CFAP53: variants seen among roughly 807,000 people sequenced by gnomAD.
The protein encoded by CFAP53 is cilia- and flagella-associated protein 53.
CFAP53 carries 62 observed loss-of-function variants against 59.7 expected under a neutral mutation model. The ratio of observed to expected loss-of-function variants is 1.04; its 90% CI spans 0.85 to 1.28. The LOEUF (loss-of-function observed/expected upper bound fraction) is 1.28. Ranked by LOEUF, CFAP53 falls within the 50% of genes most tolerant of loss-of-function variation. The probability of loss-of-function intolerance (pLI) is 0.00; values close to 1 mark genes in which losing one functional copy is unlikely to be tolerated. For missense variants in CFAP53, 629 were observed against 615.6 expected (o/e 1.02, Z -0.23); for synonymous variants, 218 against 205.7 (o/e 1.06, Z -0.51).
chr18:50,239,014 C>A (rs1274422615), intron 6 of CFAP53, among the ~76,000 whole-genome samples: 2 of 150,126 alleles, frequency 1.3e-5, no homozygotes, highest in South Asian at 4.2e-4. Context: ...CAGTTCATTG[C>A]CATTCATATT....
chr18:50,230,319 C>T (rs1352681443), intron 7 of CFAP53, among the ~76,000 whole-genome samples: 1 of 152,168 alleles, frequency 6.6e-6, no homozygotes, highest in Non-Finnish European at 1.5e-5. Flanking sequence ...GGGGTTAGGA[C>T]TTTCAGCCCC....
intron 2 of CFAP53, 49 bp from the exon 3 acceptor site, chr18:50,261,286 T>C: frequency 6.9e-7 from 1 of 1,447,532 alleles, no homozygotes; most frequent in Non-Finnish European, 9.0e-7. Context: ...ACTGTCATGC[T>C]ACATGCATCG....
In CFAP53 at chr18:50,227,387, T is replaced by C; in HGVS notation, c.1539A>G (p.Pro513=). The C allele has an allele frequency of 1.2e-6, 2 of 1,611,706 alleles. No individual in the cohort carries two copies. The highest frequency in any genetic ancestry group is 1.7e-6 in the Non-Finnish European group (2 of 1,177,888). ...PMRKACPSKL[P]P ...TATATTGATGCTCACGGAACTACGG[T>C]GGAAGCTTACTGGGGCATGCCTTGC... is the stretch of plus-strand genomic sequence containing the variant. Residue 513 remains proline (P), a synonymous_variant, in exon 8 of 8, where the codon CCA becomes CCG. Transcript: ENST00000398545.
intron 3 of CFAP53, among the ~76,000 whole-genome samples, chr18:50,259,516 A>G (rs2033872772): frequency 6.6e-6 from 1 of 152,026 alleles, no homozygotes; most frequent in Non-Finnish European, 1.5e-5. Flanking sequence ...AAAAAAAAGA[A>G]TGAATGAATA....
chr18:50,234,814 G>A (rs2033615445), intron 7 of CFAP53, among the ~76,000 whole-genome samples: 1 of 152,228 alleles, frequency 6.6e-6, no homozygotes, highest in Non-Finnish European at 1.5e-5. Flanking sequence ...CCATCATTTG[G>A]CATCCTCACC....
chr18:50,245,148 C>T lies in CFAP53; in HGVS notation c.997-2032G>A, dbSNP rs545668950. Among the ~76,000 whole-genome samples the T allele has an allele frequency of 3.4e-4, 51 of 150,582 alleles. No homozygotes were observed. The South Asian group carries it at 7.2e-3, about 21-fold the overall frequency. ...CTGTAATCCCAGCACTTTGGGAGGC[C>T]GAGGCGGGTGGATCATGAGGTCAGG... On this transcript the variant is annotated intron_variant, in intron 5 of 7. Coordinates refer to ENST00000398545, the MANE Select transcript of CFAP53 (RefSeq NM_145020.5).
chr18:50,256,071 G>A (rs528896905), intron 3 of CFAP53: 12 of 152,224 alleles, frequency 7.9e-5, no homozygotes, highest in Middle Eastern at 3.4e-3. Context: ...GGATACATTC[G>A]TTTCTTTAAG....
intron 7 of CFAP53, among the ~76,000 whole-genome samples, chr18:50,234,698 A>G (rs2033614149): frequency 6.6e-6 from 1 of 152,226 alleles, no homozygotes; most frequent in South Asian, 2.1e-4. Flanking sequence ...ATAACTCCTT[A>G]GACTTTATAA....
chr18:50,257,464 A>G (rs1176247947), intron 3 of CFAP53, among the ~76,000 whole-genome samples: 1 of 152,244 alleles, frequency 6.6e-6, no homozygotes, highest in Non-Finnish European at 1.5e-5. Context: ...TAGCATTTCT[A>G]TATGCTTACA....
intron 3 of CFAP53, among the ~76,000 whole-genome samples, chr18:50,255,333 T>A (rs1015879262): frequency 5.3e-5 from 8 of 152,020 alleles, no homozygotes; most frequent in African/African-American, 1.9e-4. Context: ...ATGAAGGAGA[T>A]TTTTGCAGTG....
intron 5 of CFAP53, among the ~76,000 whole-genome samples, chr18:50,244,373 C>T (rs1332135827): frequency 6.6e-6 from 1 of 152,122 alleles, no homozygotes; most frequent in Non-Finnish European, 1.5e-5. Context: ...CCTCCTGTCG[C>T]CAAGTAAGAC....
intron 6 of CFAP53, among the ~76,000 whole-genome samples, chr18:50,241,439 G>A (rs926712128): frequency 2.0e-5 from 3 of 152,124 alleles, no homozygotes; most frequent in African/African-American, 7.2e-5. Flanking sequence ...AAGATATCTA[G>A]ATTTCTCATG....
rs143595220 is a variant in CFAP53 at position 50,241,377 on chromosome 18, T to A, written c.1213+1523A>T. 6.2e-4 allele frequency among the ~76,000 whole-genome samples: 95 copies of A among 152,220 alleles called. 3 individuals are homozygous for A. The East Asian group carries it at 0.017, about 28-fold the overall frequency. ...CCCTGGAAAGAGGATTTATTTTAAA[T>A]GGGAGAACACAGAGGGCCGCTCAAG... is the stretch of plus-strand genomic sequence containing the variant. On this transcript the variant is annotated intron_variant, in intron 6 of 7. Coordinates refer to ENST00000398545, the MANE Select transcript of CFAP53 (RefSeq NM_145020.5).
At chr18:50,252,238 G>A (rs1268371337) in intron 3 of CFAP53, among the ~76,000 whole-genome samples, 7 of 152,014 alleles carry the variant, frequency 4.6e-5, no homozygotes, top group African/African-American at 7.2e-5. Flanking sequence ...TGAGTAGCTG[G>A]GACTACAGGT....
At position 50,230,085 on chromosome 18, in the gene CFAP53, T is replaced by A. The variant is rs114271217; in HGVS notation, c.1317-2476A>T. Among the ~76,000 whole-genome samples the A allele has an allele frequency of 3.2e-3, 494 of 152,300 alleles. 3 individuals are homozygous for A. The highest frequency in any genetic ancestry group is 0.011 in the African/African-American group (469 of 41,570). On this transcript the variant is annotated intron_variant, in intron 7 of 7. Coordinates refer to ENST00000398545, the MANE Select transcript of CFAP53 (RefSeq NM_145020.5). ...TTTGTAGTTTCAATGGCTAGAAATA[T>A]AAGCCACATTTTTAATATCAGCTGT...
intron 4 of CFAP53, 148 bp from the exon 5 acceptor site, chr18:50,251,124 T>C (rs2033794986): frequency 1.4e-6 from 1 of 702,266 alleles, no homozygotes; most frequent in Non-Finnish European, 2.4e-6. Flanking sequence ...AACCTTCCTT[T>C]TCGTAGCTGA....
chr18:50,246,639 T>G (rs1394688795), intron 5 of CFAP53, among the ~76,000 whole-genome samples: 2 of 152,208 alleles, frequency 1.3e-5, no homozygotes, highest in African/African-American at 4.8e-5. Context: ...TGTCAAAATT[T>G]AAAACTTTTG....
At chr18:50,233,864 T>TAC (rs2033605699) in intron 7 of CFAP53, among the ~76,000 whole-genome samples, 1 of 152,204 alleles carries the variant, frequency 6.6e-6, no homozygotes, top group Admixed American at 6.5e-5. Flanking sequence ...CTACACCATT[T>TAC]ACACACACAC....
Position 50,242,808 on chromosome 18 carries a change from T to C in CFAP53, c.1213+92A>G, listed in dbSNP as rs561980639. The C allele has an allele frequency of 2.5e-4, 268 of 1,052,362 alleles. No individual in the cohort carries two copies. The East Asian group carries it at 5.7e-3, about 22-fold the overall frequency. 65.2% of individuals were successfully genotyped at this position (1,052,362 alleles called of 1,614,324 possible). On this transcript the variant is annotated intron_variant, in intron 6 of 7. Transcript: ENST00000398545. The stretch of plus-strand genomic sequence containing the variant: ...CCTTTTTGCATCCCTCATGGTGTTT[T>C]ACATAATAAGTATTATGGTTGTTAG...
Sources: gnomAD v4.1 joint callset for allele counts (sites outside exome capture counted in the v4.1 genomes callset) on GRCh38, gnomAD v4.1.1 for gene constraint, MANE v1.5 for transcripts, NCBI Gene and HGNC (gene_info 2026-07-23, HGNC 2026-07-21) for gene names.